Variants in PRKCE observed in about 807,000 individuals in gnomAD.
The protein encoded by PRKCE is protein kinase C epsilon type.
PRKCE carries 16 observed loss-of-function variants against 85.4 expected under a neutral mutation model. That is an observed-to-expected ratio of 0.19 (90% CI 0.13 to 0.28). The LOEUF (loss-of-function observed/expected upper bound fraction) is 0.28, where lower values mean the gene tolerates loss of function less well. PRKCE is among the 10% of genes least tolerant of loss of function. PRKCE has a pLI of 1.00. For missense variants in PRKCE, 573 were observed against 975.2 expected (o/e 0.59, Z 5.49); for synonymous variants, 388 against 371.5 (o/e 1.04, Z -0.51).
At chr2:46,030,415 G>A (rs35332414) in intron 10 of PRKCE, among the ~76,000 whole-genome samples, 42,732 of 152,004 alleles carry the variant, frequency 0.28, 6,666 homozygotes, top group Middle Eastern at 0.39. Context: ...AATACCCCAA[G>A]TAGTGGGGCG....
At chr2:46,096,219 G>A (rs116426421) in intron 11 of PRKCE, among the ~76,000 whole-genome samples, 1 of 152,220 alleles carries the variant, frequency 6.6e-6, no homozygotes, top group Non-Finnish European at 1.5e-5. Flanking sequence ...AGTTTTCTCA[G>A]TGTTCCATGG....
intron 10 of PRKCE, among the ~76,000 whole-genome samples, chr2:46,067,744 T>G (rs1208742287): frequency 6.6e-6 from 1 of 152,202 alleles, no homozygotes; most frequent in Non-Finnish European, 1.5e-5. Flanking sequence ...AAGCAGAGCC[T>G]GGGGGTCTAC....
At chr2:45,698,014 GTCAACTCCATGTAGATTTATTT>G (rs1206663981) in intron 1 of PRKCE, 1 of 152,630 alleles carries the variant, frequency 6.6e-6, no homozygotes, top group Admixed American at 6.5e-5. Context: ...CTGAGGGTAT[GTCAACTCCATGTAGATTTATTT>G]TCAATTTCCA....
Position 46,147,105 on chromosome 2 carries a change from A to G in PRKCE, c.1731+1874A>G, listed in dbSNP as rs749077737. 6.6e-5 allele frequency among the ~76,000 whole-genome samples: 10 copies of G among 152,270 alleles called. No individual in the cohort carries two copies. In the South Asian group the frequency reaches 1.2e-3, roughly 19 times the overall value. On this transcript the variant is annotated intron_variant, in intron 12 of 14. Coordinates refer to ENST00000306156, the MANE Select transcript of PRKCE (RefSeq NM_005400.3). The stretch of plus-strand genomic sequence containing the variant: ...ACATCTCGAAGTGAAGGTGATGAGT[A>G]ATAGGTAGTTTCCCTTTAGAACCTT...
chr2:45,984,122 G>C (rs556183193), intron 5 of PRKCE, among the ~76,000 whole-genome samples: 2 of 152,028 alleles, frequency 1.3e-5, no homozygotes, highest in African/African-American at 4.8e-5. Context: ...GTTTTTAGTA[G>C]AGACAGGGTT....
chr2:46,150,065 G>T (rs1676466562), intron 12 of PRKCE, among the ~76,000 whole-genome samples: 1 of 151,942 alleles, frequency 6.6e-6, no homozygotes, highest in Non-Finnish European at 1.5e-5. Flanking sequence ...GCCCAGGCTG[G>T]TCTCGAAGTC....
chr2:46,106,395 A>C (rs1023220033), intron 11 of PRKCE, among the ~76,000 whole-genome samples: 4 of 152,252 alleles, frequency 2.6e-5, no homozygotes, highest in African/African-American at 9.6e-5. Flanking sequence ...TATGCATAGA[A>C]TTGTTAACCC....
At position 45,907,510 on chromosome 2, in the gene PRKCE, C is replaced by T. The variant is rs910357646; in HGVS notation, c.412+64447C>T. Among the ~76,000 whole-genome samples, 3 of 152,338 alleles carry T rather than the reference C, an allele frequency of 2.0e-5. No individual in the cohort carries two copies. Among genetic ancestry groups the T allele is most frequent in the Non-Finnish European group, 4.4e-5 (3 of 68,028 alleles). ...AATGGACGAAGCACACTTCTGAGGG[C>T]GTCATCGCAGGCCCTGTTCATCTCT... On this transcript the variant is annotated intron_variant, in intron 2 of 14. Coordinates refer to ENST00000306156, the MANE Select transcript of PRKCE (RefSeq NM_005400.3). This position sits in a 1 kb window ranked among gnomAD's most constrained non-coding sequence, Gnocchi z 4.5.
At chr2:45,791,634 T>C (rs552602108) in intron 1 of PRKCE, among the ~76,000 whole-genome samples, 1 of 152,354 alleles carries the variant, frequency 6.6e-6, no homozygotes, top group African/African-American at 2.4e-5. Flanking sequence ...CAGAATTAAA[T>C]TCTGATAGCT....
chr2:45,885,243 C>T (rs2105839531), intron 2 of PRKCE, among the ~76,000 whole-genome samples: 1 of 152,100 alleles, frequency 6.6e-6, no homozygotes, highest in East Asian at 1.9e-4. Flanking sequence ...CTGTGGTTTT[C>T]CACTGCTCCA....
chr2:45,950,768 C>G (rs1700566335), intron 2 of PRKCE, among the ~76,000 whole-genome samples: 1 of 152,158 alleles, frequency 6.6e-6, no homozygotes, highest in African/African-American at 2.4e-5. Context: ...GTTGTTCACA[C>G]TTCCGTTGGC....
At chr2:46,050,733 C>CT (rs1708802014) in intron 10 of PRKCE, among the ~76,000 whole-genome samples, 1 of 152,180 alleles carries the variant, frequency 6.6e-6, no homozygotes. Flanking sequence ...CTTGATGGAC[C>CT]TTTGATTTCT....
At chr2:45,790,332 G>C (rs1186893952) in intron 1 of PRKCE, among the ~76,000 whole-genome samples, 1 of 152,176 alleles carries the variant, frequency 6.6e-6, no homozygotes. Context: ...AAAATGTGTC[G>C]AGGGTGGCAG....
intron 1 of PRKCE, among the ~76,000 whole-genome samples, chr2:45,668,106 C>T (rs985937358): frequency 2.0e-5 from 3 of 152,092 alleles, no homozygotes; most frequent in Admixed American, 6.6e-5. Flanking sequence ...TTTGAGAGGC[C>T]GAGGCGGTTG....
Position 45,869,053 on chromosome 2 carries a change from A to G in PRKCE, c.412+25990A>G, listed in dbSNP as rs193300472. The stretch of plus-strand genomic sequence containing the variant: ...TGGTTTAAGCTGCGTGGTCAGGCAA[A>G]GAAAAAAAGTTCATTTGGTGCATGG... On this transcript the variant is annotated intron_variant, in intron 2 of 14. Transcript: ENST00000306156. Among the ~76,000 whole-genome samples, 263 of 152,262 alleles carry G rather than the reference A, an allele frequency of 1.7e-3. 1 individual carries two copies. Among genetic ancestry groups the G allele is most frequent in the Non-Finnish European group, 2.7e-3 (181 of 68,012 alleles).
intron 11 of PRKCE, among the ~76,000 whole-genome samples, chr2:46,092,659 G>A (rs1410773345): frequency 6.6e-6 from 1 of 152,194 alleles, no homozygotes; most frequent in African/African-American, 2.4e-5. Flanking sequence ...AAGCCCAAAG[G>A]AGAGGCTTAG....
At chr2:45,955,380 G>A (rs1700902318) in intron 2 of PRKCE, among the ~76,000 whole-genome samples, 1 of 152,176 alleles carries the variant, frequency 6.6e-6, no homozygotes, top group Non-Finnish European at 1.5e-5. Context: ...ATAAAAACAT[G>A]GGAGGAAGAA....
At chr2:45,726,680 T>G (rs1681101596) in intron 1 of PRKCE, among the ~76,000 whole-genome samples, 1 of 152,242 alleles carries the variant, frequency 6.6e-6, no homozygotes, top group South Asian at 2.1e-4. Context: ...ATATCTCTGA[T>G]GTATACCTGT....
At chr2:45,719,245 C>A (rs1165697032) in intron 1 of PRKCE, among the ~76,000 whole-genome samples, 1 of 152,206 alleles carries the variant, frequency 6.6e-6, no homozygotes, top group Non-Finnish European at 1.5e-5. Flanking sequence ...CCTCCGGCTT[C>A]TTGGAGATGA....
Sources: gnomAD v4.1 joint callset for allele counts (sites outside exome capture counted in the v4.1 genomes callset) on GRCh38, gnomAD v4.1.1 for gene constraint, Gnocchi (gnomAD v3.1) non-coding constraint, MANE v1.5 for transcripts, NCBI Gene and HGNC (gene_info 2026-07-23, HGNC 2026-07-21) for gene names.